SOD2: variants seen among roughly 807,000 people sequenced by gnomAD.
SOD2 encodes the protein superoxide dismutase 2, also known as superoxide dismutase [Mn], mitochondrial.
A neutral mutation model predicts 27.0 loss-of-function variants in SOD2; 11 were observed. That is an observed-to-expected ratio of 0.41 (90% CI 0.26 to 0.67). The LOEUF (loss-of-function observed/expected upper bound fraction) is 0.67, where lower values mean the gene tolerates loss of function less well. Among genes scored for constraint, SOD2 ranks in the 30% least tolerant of loss-of-function variants. The pLI is 0.34. For missense variants in SOD2, 250 were observed against 274.5 expected (o/e 0.91, Z 0.63); for synonymous variants, 105 against 103.0 (o/e 1.02, Z -0.12).
At position 159,670,291 on chromosome 6, in the gene SOD2, G is replaced by T. The variant is rs937825029; in HGVS notation, c.*12202C>A. ...CAAAGCACAGAGATTACAAGTATAGGCCACCACACTCAGCCTTGATAGGTG... is the reference window on the plus strand; with the variant it reads ...CAAAGCACAGAGATTACAAGTATAGTCCACCACACTCAGCCTTGATAGGTG... On this transcript the variant is annotated 3_prime_UTR_variant, in exon 5 of 5. Transcript: ENST00000538183. The T allele has an allele frequency of 6.6e-6, 1 of 152,192 alleles. No homozygotes were observed. The highest frequency in any genetic ancestry group is 1.5e-5 in the Non-Finnish European group (1 of 68,052). 9.4% of individuals were successfully genotyped at this position (152,192 alleles called of 1,614,324 possible). A position where few individuals can be genotyped will look rare whatever the true frequency, so the allele number is the denominator to read the frequency against.
upstream of SOD2, among the ~76,000 whole-genome samples, chr6:159,698,274 A>AAAAC (rs113474424): frequency 0.74 from 109,319 of 147,918 alleles, 41,038 homozygotes; most frequent in South Asian, 0.84. Flanking sequence ...CTCAGTGTCA[A>AAAAC]AAACAAACAA....
At chr6:159,718,541 C>A (rs752336434) in intron 1 of SOD2, among the ~76,000 whole-genome samples, 1 of 152,012 alleles carries the variant, frequency 6.6e-6, no homozygotes, top group Non-Finnish European at 1.5e-5. Context: ...AAAATGAAGA[C>A]TAAATGTTAT....
chr6:159,688,388 C>T (rs1455607425), intron 2 of SOD2, 146 bp from the exon 3 acceptor site: 4 of 585,288 alleles, frequency 6.8e-6, no homozygotes, highest in Admixed American at 2.9e-5. Flanking sequence ...AGCACCCCCC[C>T]GCCCCAAAAT....
At chr6:159,724,369 C>T (rs1218355382) in intron 1 of SOD2, among the ~76,000 whole-genome samples, 3 of 152,108 alleles carry the variant, frequency 2.0e-5, no homozygotes, top group Non-Finnish European at 2.9e-5. Context: ...CATTAAAATA[C>T]TTATGTTATC....
chr6:159,677,489 G>A lies in SOD2; in HGVS notation c.*5004C>T, dbSNP rs186747884. 73 of 152,266 alleles carry A rather than the reference G, an allele frequency of 4.8e-4. 1 individual carries two copies. The highest frequency in any genetic ancestry group is 4.3e-3 in the Admixed American group (65 of 15,290). The allele number at this position is 152,266 out of a possible 1,614,324, so 9.4% of individuals were successfully genotyped here. A position where few individuals can be genotyped will look rare whatever the true frequency, so the allele number is the denominator to read the frequency against. ...ACCACTTTAGGAAGAGTGGTACCAG[G>A]TGGTAAGCTCCTATATTCCAATGAC... is the stretch of plus-strand genomic sequence containing the variant. On this transcript the variant is annotated 3_prime_UTR_variant, in exon 5 of 5. Coordinates refer to ENST00000538183, the MANE Select transcript of SOD2 (RefSeq NM_000636.4).
intron 1 of SOD2, among the ~76,000 whole-genome samples, chr6:159,712,320 C>T (rs879111841): frequency 2.5e-3 from 295 of 119,064 alleles, no homozygotes; most frequent in Middle Eastern, 5.1e-3. Flanking sequence ...ACCACTCACA[C>T]TGCTCTGATC....
intron 1 of SOD2, among the ~76,000 whole-genome samples, chr6:159,733,974 A>C (rs753719983): frequency 5.9e-5 from 9 of 152,192 alleles, no homozygotes; most frequent in Non-Finnish European, 1.2e-4. Context: ...TCAATTTATG[A>C]TTTTTCCTCT....
intron 1 of SOD2, chr6:159,736,661 T>C (rs1778937227): frequency 6.1e-6 from 1 of 163,932 alleles, no homozygotes; most frequent in East Asian, 1.6e-4. Context: ...TATATTATTA[T>C]TCTTTTCCTA....
In SOD2 at chr6:159,670,644, T is replaced by G. The variant is rs1258136638; in HGVS notation, c.*11849A>C. 1 of 153,322 alleles carries G rather than the reference T, an allele frequency of 6.5e-6. No individual in the cohort carries two copies. The allele number at this position is 153,322 out of a possible 1,614,324, so 9.5% of individuals were successfully genotyped here. A position where few individuals can be genotyped will look rare whatever the true frequency, so the allele number is the denominator to read the frequency against. ...GATGGCCGAATAGGAACAGCTCCAG[T>G]CTACAGCTCCCAGCGTGAGCGACGC... On this transcript the variant is annotated 3_prime_UTR_variant, in exon 5 of 5. Transcript: ENST00000538183.
At chr6:159,702,609 T>A (rs1777541816) in intron 1 of SOD2, among the ~76,000 whole-genome samples, 1 of 143,226 alleles carries the variant, frequency 7.0e-6, no homozygotes, top group African/African-American at 2.7e-5. Flanking sequence ...ATAAACAATT[T>A]TTTAAAACCT....
At position 159,672,637 on chromosome 6, in the gene SOD2, C is replaced by T. The variant is rs529752000; in HGVS notation, c.*9856G>A. On this transcript the variant is annotated 3_prime_UTR_variant, in exon 5 of 5. Transcript: ENST00000538183. ...CAACCAGTATCAGCCACTGCAAAAACATGCCAAATTGTAAAGACCATTGAG... is the reference window on the plus strand; with the variant it reads ...CAACCAGTATCAGCCACTGCAAAAATATGCCAAATTGTAAAGACCATTGAG... 2 of 152,304 alleles carry T rather than the reference C, an allele frequency of 1.3e-5. No individual in the cohort carries two copies. The highest frequency in any genetic ancestry group is 3.9e-4 in the East Asian group (2 of 5,186). The allele number at this position is 152,304 out of a possible 1,614,324, so 9.4% of individuals were successfully genotyped here.
chr6:159,761,452 G>A (rs938927481), exon 1 of SOD2: 1 of 445,820 alleles, frequency 2.2e-6, no homozygotes, highest in Non-Finnish European at 4.5e-6. Flanking sequence ...GATCTTAGAA[G>A]GCAGGGGGCT....
upstream of SOD2, chr6:159,693,328 G>C (rs960824152): frequency 0.028 from 5,667 of 200,350 alleles, no homozygotes; most frequent in African/African-American, 0.081. Context: ...CCGCCGCCCC[G>C]CCCCCCCCCC....
rs766666034 is a variant in SOD2 at position 159,692,872 on chromosome 6, G to A, written c.24-9C>T. ...CCAGCTGCCTGCTGGTGCTGAAGAC[G>A]AGAAAGCACAGCCCGGTCAGTCAGC... On this transcript the variant is annotated splice_polypyrimidine_tract_variant and intron_variant, in intron 1 of 4. Transcript: ENST00000538183. 4.4e-6 allele frequency: 7 copies of A among 1,593,874 alleles called. No individual in the cohort carries two copies. Among genetic ancestry groups the A allele is most frequent in the Non-Finnish European group, 5.1e-6 (6 of 1,171,624 alleles).
At chr6:159,720,413 A>G (rs1778012417) in intron 1 of SOD2, 1 of 152,518 alleles carries the variant, frequency 6.6e-6, no homozygotes. Flanking sequence ...GCTGTTTTTC[A>G]TTTCTCCAAA....
intron 1 of SOD2, chr6:159,720,469 G>C (rs1210082945): frequency 1.3e-5 from 2 of 153,130 alleles, no homozygotes; most frequent in African/African-American, 4.8e-5. Flanking sequence ...TCGGTGTGTT[G>C]TGCAGGAGTT....
intron 1 of SOD2, chr6:159,742,082 T>A: frequency 6.3e-7 from 1 of 1,592,786 alleles, no homozygotes; most frequent in Non-Finnish European, 8.5e-7. Context: ...GATTTTTTTT[T>A]ATTAGATGGA....
intron 2 of SOD2, chr6:159,692,097 G>A (rs41267777): frequency 7.9e-4 from 133 of 167,772 alleles, no homozygotes; most frequent in Non-Finnish European, 1.5e-3. Flanking sequence ...GCACGGAGTA[G>A]TGTCCTCCTG....
rs1434695428 is a variant in SOD2 at position 159,669,651 on chromosome 6, T to G, written c.*12842A>C. ...CATAACCCCATCTCTACAAAAAAAT[T>G]TTCTTAATAAAAAAATATGATTATA... On this transcript the variant is annotated 3_prime_UTR_variant, in exon 5 of 5. Coordinates refer to ENST00000538183, the MANE Select transcript of SOD2 (RefSeq NM_000636.4). 6.6e-6 allele frequency: 1 copy of G among 152,108 alleles called. No homozygotes were observed. Among genetic ancestry groups the G allele is most frequent in the Non-Finnish European group, 1.5e-5 (1 of 68,022 alleles). The allele number at this position is 152,108 out of a possible 1,614,324, so 9.4% of individuals were successfully genotyped here.
Sources: allele counts gnomAD v4.1 joint callset (sites outside exome capture counted in the v4.1 genomes callset), GRCh38; gene constraint gnomAD v4.1.1; transcripts MANE v1.5; gene names NCBI Gene and HGNC (gene_info 2026-07-23, HGNC 2026-07-21).